The following WDPCP variants were observed in gnomAD, a reference collection of about 807,000 sequenced individuals.
WDPCP encodes WD repeat-containing and planar cell polarity effector protein fritz homolog.
In WDPCP, 71 loss-of-function variants were observed where a neutral mutation model predicts 93.1. That is an observed-to-expected ratio of 0.76 (90% CI 0.63 to 0.93). WDPCP has a LOEUF of 0.93. Among genes scored for constraint, WDPCP ranks in the 40% least tolerant of loss-of-function variants. The pLI is 0.00. For missense variants in WDPCP, 844 were observed against 887.4 expected (o/e 0.95, Z 0.62); for synonymous variants, 315 against 315.0 (o/e 1.00, Z 0.00).
intron 1 of WDPCP, chr2:63,518,586 T>G (rs1388256321): frequency 6.5e-6 from 1 of 152,720 alleles, no homozygotes; most frequent in East Asian, 1.9e-4. Flanking sequence ...TAGTGGAGCA[T>G]GGCCATGGAT....
chr2:63,565,514 A>C (rs929308228), intron 1 of WDPCP, among the ~76,000 whole-genome samples: 1 of 152,214 alleles, frequency 6.6e-6, no homozygotes, highest in Non-Finnish European at 1.5e-5. Flanking sequence ...TGAGAAAAAT[A>C]AGGTGTCAGT....
chr2:63,818,953 T>C (rs1229485411), intron 1 of WDPCP, among the ~76,000 whole-genome samples: 1 of 152,156 alleles, frequency 6.6e-6, no homozygotes, highest in African/African-American at 2.4e-5. Context: ...CATATAAATA[T>C]ACATAAATAC....
intron 2 of WDPCP, among the ~76,000 whole-genome samples, chr2:63,698,193 TG>T (rs1328182665): frequency 1.3e-5 from 2 of 151,044 alleles, no homozygotes; most frequent in Non-Finnish European, 3.0e-5. Context: ...TGACCTCAGG[TG>T]ATCTGCCACC....
intron 12 of WDPCP, among the ~76,000 whole-genome samples, chr2:63,352,412 T>C (rs1054663168): frequency 2.0e-5 from 3 of 152,236 alleles, no homozygotes; most frequent in Non-Finnish European, 2.9e-5. Context: ...AACAAATTCA[T>C]GAGATTACAG....
intron 1 of WDPCP, among the ~76,000 whole-genome samples, chr2:63,546,486 T>G (rs531753427): frequency 6.6e-6 from 1 of 152,314 alleles, no homozygotes; most frequent in African/African-American, 2.4e-5. Context: ...TAAAATTGCC[T>G]TGGCACTGAA....
At chr2:63,502,915 C>T (rs1044634270) in intron 1 of WDPCP, among the ~76,000 whole-genome samples, 4 of 152,180 alleles carry the variant, frequency 2.6e-5, no homozygotes, top group Admixed American at 1.3e-4. Context: ...TCAGATGATG[C>T]TATTTCAACA....
At chr2:63,731,496 C>CAT (rs1669561244) in intron 2 of WDPCP, among the ~76,000 whole-genome samples, 1 of 152,140 alleles carries the variant, frequency 6.6e-6, no homozygotes, top group Non-Finnish European at 1.5e-5. Flanking sequence ...CCCCACAAGG[C>CAT]AACCCTGTAC....
At chr2:63,279,891 A>G (rs534364622) in intron 13 of WDPCP, among the ~76,000 whole-genome samples, 1 of 151,952 alleles carries the variant, frequency 6.6e-6, no homozygotes, top group South Asian at 2.1e-4. Context: ...GGAAAGAAAA[A>G]AAAGAAAATA....
At chr2:63,648,295 G>A (rs1710074884) in intron 3 of WDPCP, among the ~76,000 whole-genome samples, 2 of 152,182 alleles carry the variant, frequency 1.3e-5, no homozygotes, top group Non-Finnish European at 2.9e-5. Flanking sequence ...GCTTAGGGGT[G>A]TCCCAGGGAT....
rs143789583 is a variant in WDPCP, at chr2:63,579,165, C to T, written c.75+9032G>A. The stretch of plus-strand genomic sequence containing the variant: ...TAAACATAAGTCTTCTCCAACAGTG[C>T]CCCACACATAAACCTGAATGGACTA... On this transcript the variant is annotated intron_variant, in intron 1 of 17. Transcript: ENST00000272321. 4.1e-3 allele frequency among the ~76,000 whole-genome samples: 622 copies of T among 152,184 alleles called. 1 individual carries two copies. The highest frequency in any genetic ancestry group is 7.5e-3 in the Non-Finnish European group (508 of 68,004).
At chr2:63,717,406 A>G (rs530657651) in intron 2 of WDPCP, 573 of 407,458 alleles carry the variant, frequency 1.4e-3, no homozygotes, top group Non-Finnish European at 2.3e-3. Flanking sequence ...TGTTTTTTTA[A>G]GGTCATGGTA....
the WDPCP span, among the ~76,000 whole-genome samples, chr2:63,840,735 C>T: frequency 6.6e-6 from 1 of 152,244 alleles, no homozygotes; most frequent in African/African-American, 2.4e-5. Context: ...TGCTCAGGTG[C>T]TCTCCCTCAC....
intron 1 of WDPCP, among the ~76,000 whole-genome samples, chr2:63,509,588 A>T (rs1702096884): frequency 6.6e-6 from 1 of 152,202 alleles, no homozygotes; most frequent in Non-Finnish European, 1.5e-5. Flanking sequence ...TCAGAGCAGA[A>T]TTGAAGGAGA....
chr2:63,494,303 A>G (rs75450500), intron 1 of WDPCP, among the ~76,000 whole-genome samples: 5 of 55,930 alleles, frequency 8.9e-5, no homozygotes, highest in East Asian at 9.1e-4. Flanking sequence ...CGACGACGAC[A>G]ATGATGATGA....
chr2:63,597,870 C>A (rs772724440), intron 3 of WDPCP: 4 of 189,330 alleles, frequency 2.1e-5, no homozygotes, highest in Non-Finnish European at 4.3e-5. Context: ...ATTTTTGCTG[C>A]GTGGGAATAT....
intron 2 of WDPCP, among the ~76,000 whole-genome samples, chr2:63,666,053 T>G (rs1209811145): frequency 1.2e-4 from 18 of 152,248 alleles, no homozygotes; most frequent in Non-Finnish European, 1.5e-5. Context: ...CTCTGAGGAA[T>G]TCAGGGTAGG....
At chr2:63,370,427 C>T (rs2104768710) in intron 12 of WDPCP, among the ~76,000 whole-genome samples, 1 of 152,250 alleles carries the variant, frequency 6.6e-6, no homozygotes, top group South Asian at 2.1e-4. Flanking sequence ...ACCTTTAAAT[C>T]CAACTACCAT....
chr2:63,418,903 T>C (rs1185421768), intron 9 of WDPCP, among the ~76,000 whole-genome samples: 7 of 152,162 alleles, frequency 4.6e-5, no homozygotes, highest in African/African-American at 1.7e-4. Flanking sequence ...TACGCAGTAT[T>C]AAAAATGGCC....
intron 1 of WDPCP, among the ~76,000 whole-genome samples, chr2:63,549,656 C>T (rs1254145156): frequency 2.0e-5 from 3 of 152,130 alleles, no homozygotes; most frequent in Non-Finnish European, 4.4e-5. Flanking sequence ...ATCCCAGCTA[C>T]TCGGGAGGCT....
Sources: gnomAD v4.1 joint callset for allele counts (sites outside exome capture counted in the v4.1 genomes callset) on GRCh38, gnomAD v4.1.1 for gene constraint, MANE v1.5 for transcripts, NCBI Gene and HGNC (gene_info 2026-07-23, HGNC 2026-07-21) for gene names.